The following TRPM3 variants were observed in gnomAD, a reference collection of about 807,000 sequenced individuals.
The protein encoded by TRPM3 is transient receptor potential cation channel subfamily M member 3.
TRPM3 carries 77 observed loss-of-function variants against 181.2 expected under a neutral mutation model. That is an observed-to-expected ratio of 0.42 (90% confidence interval 0.35 to 0.51). The LOEUF (loss-of-function observed/expected upper bound fraction) is 0.51, where lower values mean the gene tolerates loss of function less well. Among genes scored for constraint, TRPM3 ranks in the 20% least tolerant of loss-of-function variants. TRPM3 has a pLI of 0.01. For missense variants in TRPM3, 1,759 were observed against 2,196.7 expected, an observed-to-expected ratio of 0.80 and a Z score of 3.98; for synonymous variants, 745 against 796.4, an observed-to-expected ratio of 0.94 and a Z score of 1.09.
At chr9:71,005,097 G>T (rs2134282497) in intron 1 of TRPM3, among the ~76,000 whole-genome samples, 1 of 152,230 alleles carries the variant, frequency 6.6e-6, no homozygotes, top group Admixed American at 6.5e-5. Flanking sequence ...CATATCTACA[G>T]AAAGGCAACA....
chr9:70,981,912 AAC>A (rs1465119635), intron 1 of TRPM3, among the ~76,000 whole-genome samples: 1 of 152,162 alleles, frequency 6.6e-6, no homozygotes, highest in African/African-American at 2.4e-5. Flanking sequence ...ATAAAACACT[AAC>A]AGTGTTCTTA....
At chr9:71,347,068 G>C (rs146449894) in intron 1 of TRPM3, among the ~76,000 whole-genome samples, 331 of 152,284 alleles carry the variant, frequency 2.2e-3, no homozygotes, top group African/African-American at 7.6e-3. Context: ...AGTCATATGT[G>C]CTGACTATAT....
chr9:71,046,971 C>T (rs2059511495), intron 1 of TRPM3, among the ~76,000 whole-genome samples: 1 of 152,162 alleles, frequency 6.6e-6, no homozygotes, highest in African/African-American at 2.4e-5. Context: ...CAGAGTTACA[C>T]ATATGCCAAA....
chr9:70,792,259 G>A (rs779313120), intron 6 of TRPM3, among the ~76,000 whole-genome samples: 1 of 152,112 alleles, frequency 6.6e-6, no homozygotes, highest in Non-Finnish European at 1.5e-5. Flanking sequence ...ACTGGGAGAT[G>A]GGCTTCCAGG....
chr9:71,196,593 C>T (rs1216467052), intron 1 of TRPM3, among the ~76,000 whole-genome samples: 1 of 151,938 alleles, frequency 6.6e-6, no homozygotes, highest in Admixed American at 6.6e-5. Flanking sequence ...CTCCCCTCTC[C>T]TCCATCTCTG....
In TRPM3 at chr9:71,121,062, C is replaced by A. The variant is rs573819686; in HGVS notation, c.177+116G>T. On this transcript the variant is annotated intron_variant, in intron 1 of 25. Coordinates refer to ENST00000677713, the MANE Select transcript of TRPM3 (RefSeq NM_001366145.2). ...CTCTCTCCAGCCACGGACCACAGAG[C>A]CAGTACTGCATGCATTTAGGCTCCC... 94 of 958,434 alleles carry A rather than the reference C, an allele frequency of 9.8e-5. No individual in the cohort carries two copies. The East Asian group carries it at 2.2e-3, about 22-fold the overall frequency. 59.4% of individuals were successfully genotyped at this position (958,434 alleles called of 1,614,324 possible).
chr9:71,287,191 G>C (rs369400814), intron 1 of TRPM3, among the ~76,000 whole-genome samples: 3 of 148,076 alleles, frequency 2.0e-5, no homozygotes, highest in Non-Finnish European at 1.5e-5. Flanking sequence ...AGATAGTATC[G>C]GGATGCCCAT....
intron 25 of TRPM3, among the ~76,000 whole-genome samples, chr9:70,546,824 T>C (rs907295198): frequency 6.6e-6 from 1 of 152,194 alleles, no homozygotes; most frequent in African/African-American, 2.4e-5. Flanking sequence ...TCTAGAATTG[T>C]ATTGCTCTAG....
intron 9 of TRPM3, among the ~76,000 whole-genome samples, chr9:70,665,059 C>G (rs1486071682): frequency 6.6e-6 from 1 of 152,144 alleles, no homozygotes; most frequent in Non-Finnish European, 1.5e-5. Context: ...AGCACCTGTC[C>G]TGACAGGTCA....
At position 70,753,106 on chromosome 9, in the gene TRPM3, C is replaced by CA. The variant is rs567170564; in HGVS notation, c.1272+8494dup. Among the ~76,000 whole-genome samples, 101 of 150,554 alleles carry CA rather than the reference C, an allele frequency of 6.7e-4. 1 individual carries two copies. Among genetic ancestry groups the CA allele is most frequent in the Non-Finnish European group, 1.1e-3 (72 of 67,668 alleles). On this transcript the variant is annotated intron_variant, in intron 8 of 25. Transcript: ENST00000677713. ...TGGGCGACAGAGCAAGACTCTGTCT[C>CA]AAAAAAAAGAAAAGAAATACACTAT...
chr9:71,119,685 G>C (rs756175546), intron 1 of TRPM3, among the ~76,000 whole-genome samples: 3 of 152,114 alleles, frequency 2.0e-5, no homozygotes, highest in Non-Finnish European at 4.4e-5. Flanking sequence ...TCGAATTACT[G>C]GAGTTGAATT....
intron 1 of TRPM3, among the ~76,000 whole-genome samples, chr9:70,922,504 G>A (rs1335844359): frequency 6.6e-6 from 1 of 152,128 alleles, no homozygotes; most frequent in Non-Finnish European, 1.5e-5. Flanking sequence ...GTTAAAAATG[G>A]ACTTTAAATA....
At chr9:70,677,310 G>A (rs902668523) in intron 9 of TRPM3, among the ~76,000 whole-genome samples, 1 of 152,220 alleles carries the variant, frequency 6.6e-6, no homozygotes, top group Non-Finnish European at 1.5e-5. Flanking sequence ...TTAAGAGTTG[G>A]TATAAATATG....
intron 1 of TRPM3, among the ~76,000 whole-genome samples, chr9:71,056,797 T>C (rs928593125): frequency 4.6e-5 from 7 of 152,016 alleles, no homozygotes; most frequent in Admixed American, 1.3e-4. Flanking sequence ...TCTCCAGAAC[T>C]GTGAGAAAAT....
intron 1 of TRPM3, among the ~76,000 whole-genome samples, chr9:71,139,190 G>A (rs1587601774): frequency 6.6e-6 from 1 of 152,244 alleles, no homozygotes; most frequent in Admixed American, 6.5e-5. Context: ...AATAAGCAGT[G>A]TTCTCAAAGA....
intron 9 of TRPM3, among the ~76,000 whole-genome samples, chr9:70,672,881 G>A (rs1044471326): frequency 1.3e-5 from 2 of 152,010 alleles, no homozygotes; most frequent in African/African-American, 4.8e-5. Context: ...GGTCATCTGG[G>A]CAGCTGGTAA....
intron 1 of TRPM3, among the ~76,000 whole-genome samples, chr9:71,194,731 C>G (rs1406963167): frequency 6.6e-6 from 1 of 151,684 alleles, no homozygotes; most frequent in Non-Finnish European, 1.5e-5. Context: ...ATGTTTTAGC[C>G]ATAAACAACT....
chr9:70,680,284 A>G (rs1325247240), intron 9 of TRPM3, among the ~76,000 whole-genome samples: 3 of 152,196 alleles, frequency 2.0e-5, no homozygotes, highest in African/African-American at 7.2e-5. Flanking sequence ...AATAGCTCCT[A>G]TATCATTTGG....
intron 1 of TRPM3, among the ~76,000 whole-genome samples, chr9:71,146,129 G>A (rs1280496390): frequency 1.3e-5 from 2 of 152,128 alleles, no homozygotes; most frequent in South Asian, 4.1e-4. Flanking sequence ...AAGAATGGGA[G>A]AAAATTTTCC....
Sources: gnomAD v4.1 joint callset for allele counts (sites outside exome capture counted in the v4.1 genomes callset) on GRCh38, gnomAD v4.1.1 for gene constraint, MANE v1.5 for transcripts, NCBI Gene and HGNC (gene_info 2026-07-23, HGNC 2026-07-21) for gene names.